The following ARL15 variants were observed in gnomAD, a reference collection of about 807,000 sequenced individuals.
The protein encoded by ARL15 is ADP-ribosylation factor-like protein 15.
Under a neutral mutation model 25.2 loss-of-function variants are expected in ARL15, and 19 were observed. The observed-to-expected ratio is 0.75, with a 90% CI of 0.53 to 1.10. ARL15 has a LOEUF of 1.10. ARL15 is among the 50% of genes least tolerant of loss of function. The probability of loss-of-function intolerance (pLI) is 0.00; values close to 1 mark genes in which losing one functional copy is unlikely to be tolerated. For missense variants in ARL15, 220 were observed against 246.0 expected (o/e 0.89, Z 0.71); for synonymous variants, 94 against 86.8 (o/e 1.08, Z -0.46).
At chr5:54,058,656 A>G (rs1482933427) in intron 4 of ARL15, among the ~76,000 whole-genome samples, 1 of 152,196 alleles carries the variant, frequency 6.6e-6, no homozygotes, top group African/African-American at 2.4e-5. Flanking sequence ...GTCAGGTTCA[A>G]GGAGCAGAAG....
At chr5:54,140,461 T>TAGATAGATAGATAGATAGATAG (rs1554043185) in intron 3 of ARL15, among the ~76,000 whole-genome samples, 1 of 123,480 alleles carries the variant, frequency 8.1e-6, no homozygotes, top group African/African-American at 2.7e-5. Flanking sequence ...GATAGATAGA[T>TAGATAGATAGATAGATAGATAG]AGATAGAGAT....
At chr5:54,155,336 A>G (rs1367250323) in intron 2 of ARL15, among the ~76,000 whole-genome samples, 5 of 152,190 alleles carry the variant, frequency 3.3e-5, no homozygotes, top group Admixed American at 6.5e-5. Context: ...TTTAATTCTT[A>G]AAGTTAATGT....
chr5:54,106,626 T>C (rs1752597224), intron 4 of ARL15, among the ~76,000 whole-genome samples: 1 of 152,194 alleles, frequency 6.6e-6, no homozygotes, highest in South Asian at 2.1e-4. Flanking sequence ...GTTGTTATAC[T>C]GTATTATTTA....
chr5:54,087,260 G>A (rs898896582), intron 4 of ARL15, among the ~76,000 whole-genome samples: 7 of 152,028 alleles, frequency 4.6e-5, no homozygotes, highest in South Asian at 4.1e-4. Flanking sequence ...TCCGGGAGGC[G>A]GAGCTTGCAG....
chr5:54,138,301 G>A (rs955987215), intron 3 of ARL15, among the ~76,000 whole-genome samples: 1 of 151,958 alleles, frequency 6.6e-6, no homozygotes, highest in African/African-American at 2.4e-5. Context: ...AACATAGTGA[G>A]ACCCCATCTC....
chr5:54,159,308 A>G (rs1207931747), intron 2 of ARL15, among the ~76,000 whole-genome samples: 1 of 152,124 alleles, frequency 6.6e-6, no homozygotes, highest in Non-Finnish European at 1.5e-5. Flanking sequence ...CATCCATGAC[A>G]GTGTAACTAC....
intron 2 of ARL15, among the ~76,000 whole-genome samples, chr5:54,157,388 CA>C (rs551021868): frequency 3.9e-5 from 6 of 152,202 alleles, no homozygotes; most frequent in Non-Finnish European, 7.4e-5. Flanking sequence ...TCACACTAAG[CA>C]AAGTATCCTA....
chr5:53,901,042 C>T (rs911158599), intron 4 of ARL15, among the ~76,000 whole-genome samples: 1 of 152,164 alleles, frequency 6.6e-6, no homozygotes, highest in East Asian at 1.9e-4. Context: ...AGCATCAGTA[C>T]ACTTGTCTTT....
intron 4 of ARL15, among the ~76,000 whole-genome samples, chr5:54,044,748 T>A (rs1040422899): frequency 5.3e-5 from 8 of 152,228 alleles, no homozygotes; most frequent in African/African-American, 9.6e-5. Context: ...GTCTATATAT[T>A]GTTTGCAAAA....
At chr5:54,016,393 G>T (rs1173885221) in intron 4 of ARL15, among the ~76,000 whole-genome samples, 1 of 152,108 alleles carries the variant, frequency 6.6e-6, no homozygotes, top group Non-Finnish European at 1.5e-5. Context: ...CCTCTTGCAG[G>T]CCAGTTTCAT....
intron 4 of ARL15, among the ~76,000 whole-genome samples, chr5:53,913,608 A>C (rs1326107774): frequency 1.3e-5 from 2 of 152,194 alleles, no homozygotes; most frequent in Non-Finnish European, 2.9e-5. Context: ...AAATGGGTAT[A>C]ATAATAATGA....
At chr5:54,146,167 C>T (rs1175895689) in intron 3 of ARL15, among the ~76,000 whole-genome samples, 6 of 151,012 alleles carry the variant, frequency 4.0e-5, no homozygotes, top group Non-Finnish European at 7.4e-5. Flanking sequence ...ACACCATACA[C>T]ACAAAGAGCT....
intron 4 of ARL15, among the ~76,000 whole-genome samples, chr5:54,043,580 G>T (rs746421221): frequency 9.2e-5 from 14 of 152,134 alleles, no homozygotes; most frequent in Admixed American, 3.9e-4. Context: ...CCAGATACAT[G>T]ATGATAGAAG....
At chr5:54,096,647 G>A (rs1274850325) in intron 4 of ARL15, among the ~76,000 whole-genome samples, 1 of 152,178 alleles carries the variant, frequency 6.6e-6, no homozygotes, top group Non-Finnish European at 1.5e-5. Flanking sequence ...CTGACCTCAA[G>A]TGATTCATCC....
In ARL15 at chr5:53,884,357, TCCCACCCACCCCACCA is replaced by T. The variant is rs1415191670; in HGVS notation, c.*2188_*2203del. 2.2e-4 allele frequency: 6 copies of T among 26,780 alleles called. No homozygotes were observed. Among genetic ancestry groups the T allele is most frequent in the African/African-American group, 3.1e-4 (2 of 6,394 alleles). 1.7% of individuals were successfully genotyped at this position (26,780 alleles called of 1,614,324 possible). ...GGACTTACACTCCCACCCCCAGCCA[TCCCACCCACCCCACCA>T]CCCACCCACCCATCCCCACCCGTTC... On this transcript the variant is annotated 3_prime_UTR_variant, in exon 5 of 5. Transcript: ENST00000504924.
At chr5:53,888,085 T>TA (rs539443200) in intron 4 of ARL15, among the ~76,000 whole-genome samples, 79 of 148,634 alleles carry the variant, frequency 5.3e-4, no homozygotes, top group South Asian at 1.5e-3. Flanking sequence ...AACACTAATT[T>TA]AAAAAAAAAA....
intron 4 of ARL15, among the ~76,000 whole-genome samples, chr5:54,108,842 AG>A (rs1184784165): frequency 6.6e-6 from 1 of 152,074 alleles, no homozygotes; most frequent in East Asian, 1.9e-4. Context: ...TAAATACCAT[AG>A]AAACACACTA....
chr5:54,234,290 C>A (rs758068109), intron 1 of ARL15, among the ~76,000 whole-genome samples: 1 of 151,772 alleles, frequency 6.6e-6, no homozygotes, highest in Admixed American at 6.6e-5. Context: ...CAGGCCTGGC[C>A]CGTTACTATT....
At chr5:54,196,860 T>A (rs1755564158) in intron 1 of ARL15, among the ~76,000 whole-genome samples, 1 of 152,162 alleles carries the variant, frequency 6.6e-6, no homozygotes, top group Non-Finnish European at 1.5e-5. Context: ...AATTGTTTGT[T>A]ACCTATAGAA....
Sources: gnomAD v4.1 joint callset for allele counts (sites outside exome capture counted in the v4.1 genomes callset) on GRCh38, gnomAD v4.1.1 for gene constraint, MANE v1.5 for transcripts, NCBI Gene and HGNC (gene_info 2026-07-23, HGNC 2026-07-21) for gene names.